Variants in OPCML observed in about 807,000 individuals in gnomAD.
OPCML encodes opioid binding protein/cell adhesion molecule like.
Under a neutral mutation model 37.8 loss-of-function variants are expected in OPCML, and 13 were observed. The observed-to-expected ratio is 0.34, with a 90% CI of 0.22 to 0.55. OPCML has a LOEUF of 0.55. Ranked by LOEUF, OPCML falls within the 20% of genes least tolerant of loss-of-function variation. The probability of loss-of-function intolerance (pLI) is 0.91; values close to 1 mark genes in which losing one functional copy is unlikely to be tolerated. For synonymous variants in OPCML, 176 were observed against 168.8 expected, an observed-to-expected ratio of 1.04 and a Z score of -0.33; for missense variants, 341 against 435.6, an observed-to-expected ratio of 0.78 and a Z score of 1.93.
Position 132,648,596 on chromosome 11 carries a change from T to C in OPCML, c.379+8491A>G, listed in dbSNP as rs111276576. Among the ~76,000 whole-genome samples the C allele has an allele frequency of 1.7e-3, 252 of 151,286 alleles. 1 individual carries two copies. Among genetic ancestry groups the C allele is most frequent in the African/African-American group, 5.9e-3 (242 of 41,192 alleles). On this transcript the variant is annotated intron_variant, in intron 3 of 7. Coordinates refer to ENST00000524381, the MANE Select transcript of OPCML (RefSeq NM_001012393.5). ...GTGCAGGGGTGTGATCTTGGCTCAC[T>C]GCAACCTCCGCCTCCCTGCTTCAGC...
At chr11:132,890,905 A>T (rs1011093349) in intron 2 of OPCML, among the ~76,000 whole-genome samples, 1 of 151,484 alleles carries the variant, frequency 6.6e-6, no homozygotes, top group Non-Finnish European at 1.5e-5. Flanking sequence ...TGACCCTATG[A>T]TGAGAAATAC....
intron 3 of OPCML, among the ~76,000 whole-genome samples, chr11:132,622,471 G>T (rs1939480883): frequency 6.6e-6 from 1 of 152,230 alleles, no homozygotes; most frequent in Admixed American, 6.5e-5. Context: ...AGGTGAAATG[G>T]CAGAGAGAGA....
intron 1 of OPCML, among the ~76,000 whole-genome samples, chr11:133,071,966 C>T (rs534659588): frequency 2.6e-5 from 4 of 152,274 alleles, no homozygotes; most frequent in Non-Finnish European, 4.4e-5. Context: ...ACGGAGTTAG[C>T]GGTAGTGAAG....
At chr11:133,129,788 G>A (rs1480514525) in intron 1 of OPCML, among the ~76,000 whole-genome samples, 2 of 152,130 alleles carry the variant, frequency 1.3e-5, no homozygotes, top group East Asian at 1.9e-4. Context: ...CATGCCTGTA[G>A]CCTCAGCTAC....
chr11:132,503,288 T>C (rs1469923518), intron 4 of OPCML, among the ~76,000 whole-genome samples: 2 of 152,196 alleles, frequency 1.3e-5, no homozygotes, highest in South Asian at 2.1e-4. Flanking sequence ...AGGTTCTCCT[T>C]GGTGCCATTA....
intron 2 of OPCML, among the ~76,000 whole-genome samples, chr11:132,672,061 T>C (rs1942500345): frequency 1.3e-5 from 2 of 152,182 alleles, no homozygotes; most frequent in Non-Finnish European, 2.9e-5. Flanking sequence ...TCAACAGATC[T>C]GCTGTCTGTG....
chr11:133,461,431 T>C (rs1271203129), intron 1 of OPCML, among the ~76,000 whole-genome samples: 1 of 152,048 alleles, frequency 6.6e-6, no homozygotes, highest in Admixed American at 6.6e-5. Flanking sequence ...TGGTGGTTGC[T>C]GTTCTATATA....
chr11:133,280,980 G>T (rs1261158626), intron 1 of OPCML, among the ~76,000 whole-genome samples: 1 of 152,154 alleles, frequency 6.6e-6, no homozygotes, highest in African/African-American at 2.4e-5. Flanking sequence ...TCGTCCCTTA[G>T]GGAAGATTAT....
intron 1 of OPCML, among the ~76,000 whole-genome samples, chr11:133,313,629 C>A (rs1943118000): frequency 6.6e-6 from 1 of 152,100 alleles, no homozygotes; most frequent in Non-Finnish European, 1.5e-5. Context: ...CCAAGAGATA[C>A]TATAATATTG....
At chr11:132,601,293 C>T in intron 3 of OPCML, among the ~76,000 whole-genome samples, 1 of 152,054 alleles carries the variant, frequency 6.6e-6, no homozygotes, top group East Asian at 1.9e-4. Context: ...TTATTCTGCT[C>T]CAGGACTGTA....
At chr11:132,482,214 G>T (rs1333973156) in intron 4 of OPCML, among the ~76,000 whole-genome samples, 18 of 151,582 alleles carry the variant, frequency 1.2e-4, no homozygotes, top group Non-Finnish European at 2.4e-4. Context: ...TCAAATAGAC[G>T]CAATAAAAAA....
chr11:133,215,054 C>T (rs1939525789), intron 1 of OPCML, among the ~76,000 whole-genome samples: 1 of 152,220 alleles, frequency 6.6e-6, no homozygotes, highest in South Asian at 2.1e-4. Flanking sequence ...GCCATAGTCA[C>T]AAATATACCT....
At chr11:133,105,772 G>C (rs888068239) in intron 1 of OPCML, among the ~76,000 whole-genome samples, 1 of 152,162 alleles carries the variant, frequency 6.6e-6, no homozygotes, top group Non-Finnish European at 1.5e-5. Context: ...TCTGAGTTCA[G>C]GAGTTTGAGA....
intron 1 of OPCML, among the ~76,000 whole-genome samples, chr11:133,163,377 C>T (rs138429099): frequency 6.6e-6 from 1 of 152,278 alleles, no homozygotes; most frequent in East Asian, 1.9e-4. Context: ...AATCCTGGAG[C>T]ACATACCAGG....
intron 3 of OPCML, among the ~76,000 whole-genome samples, chr11:132,579,932 C>T (rs1337102233): frequency 6.6e-6 from 1 of 152,196 alleles, no homozygotes; most frequent in Non-Finnish European, 1.5e-5. Flanking sequence ...GTAGTTAACA[C>T]TGAGAGCTGA....
chr11:132,426,276 G>A (rs1369242292), intron 7 of OPCML, among the ~76,000 whole-genome samples: 1 of 152,172 alleles, frequency 6.6e-6, no homozygotes, highest in Non-Finnish European at 1.5e-5. Flanking sequence ...CCATTTGTGT[G>A]GACATTATGG....
chr11:132,867,188 C>G (rs1413259135), intron 2 of OPCML, among the ~76,000 whole-genome samples: 1 of 152,220 alleles, frequency 6.6e-6, no homozygotes, highest in Admixed American at 6.5e-5. Context: ...TTCTTGCACA[C>G]TCTGCCATGT....
chr11:132,710,078 G>C (rs573053718), intron 2 of OPCML, among the ~76,000 whole-genome samples: 1 of 152,248 alleles, frequency 6.6e-6, no homozygotes, highest in Admixed American at 6.5e-5. Context: ...ACATCGTAGT[G>C]GTTCTCCAAC....
chr11:133,103,624 C>T (rs373308514), intron 1 of OPCML, among the ~76,000 whole-genome samples: 1 of 152,220 alleles, frequency 6.6e-6, no homozygotes, highest in Admixed American at 6.5e-5. Context: ...TATTGTATCA[C>T]ACAGTGTTTC....
Sources: allele counts gnomAD v4.1 joint callset (sites outside exome capture counted in the v4.1 genomes callset), GRCh38; gene constraint gnomAD v4.1.1; transcripts MANE v1.5; gene names NCBI Gene and HGNC (gene_info 2026-07-23, HGNC 2026-07-21).